The following ZNF525 variants were observed in gnomAD, a reference collection of about 807,000 sequenced individuals.
ZNF525 encodes the protein zinc finger protein 525.
ZNF525 carries 33 observed loss-of-function variants against 37.6 expected under a neutral mutation model. The ratio of observed to expected loss-of-function variants is 0.88; its 90% CI spans 0.67 to 1.17. ZNF525 has a LOEUF of 1.17. ZNF525 is among the 50% of genes most tolerant of loss of function. The pLI is 0.00. For missense variants in ZNF525, 449 were observed against 543.1 expected (o/e 0.83, Z 1.72); for synonymous variants, 170 against 182.3 (o/e 0.93, Z 0.54).
Position 53,382,568 on chromosome 19 carries a change from T to G in ZNF525, c.*549T>G, listed in dbSNP as rs142235276. On this transcript the variant is annotated 3_prime_UTR_variant, in exon 4 of 4. Coordinates refer to ENST00000474037, the MANE Select transcript of ZNF525 (RefSeq NM_001348156.2). ...TCATACTGGAGAGAAACCTTAGAAG[T>G]GCAATGAGTGTGGCAAAACCTTTCA... The G allele has an allele frequency of 1.5e-6, 1 of 666,264 alleles. No homozygotes were observed. Among genetic ancestry groups the G allele is most frequent in the Non-Finnish European group, 2.8e-6 (1 of 356,722 alleles). The allele number at this position is 666,264 out of a possible 1,614,324, so 41.3% of individuals were successfully genotyped here.
rs530171369 is a variant in ZNF525 at position 53,383,034 on chromosome 19, G to A, written c.*1015G>A. The A allele has an allele frequency of 5.8e-5, 85 of 1,456,606 alleles. 1 individual carries two copies. The highest frequency in any genetic ancestry group is 2.0e-4 in the South Asian group (18 of 87,996). 90.2% of individuals were successfully genotyped at this position (1,456,606 alleles called of 1,614,324 possible). ...TTTAATCGCAAAGCAAAGCTTGCATGTCATCATAGACTTCATACTGGAGAG... is the reference window on the plus strand; with the variant it reads ...TTTAATCGCAAAGCAAAGCTTGCATATCATCATAGACTTCATACTGGAGAG... On this transcript the variant is annotated 3_prime_UTR_variant, in exon 4 of 4. Coordinates refer to ENST00000474037, the MANE Select transcript of ZNF525 (RefSeq NM_001348156.2).
chr19:53,378,776 G>A (rs2085539406), intron 3 of ZNF525, among the ~76,000 whole-genome samples: 1 of 152,156 alleles, frequency 6.6e-6, no homozygotes, highest in Non-Finnish European at 1.5e-5. Flanking sequence ...TTCACGAGTA[G>A]TCAACACCCG....
chr19:53,378,223 G>A (rs1032194287), intron 3 of ZNF525, among the ~76,000 whole-genome samples: 13 of 152,286 alleles, frequency 8.5e-5, no homozygotes, highest in African/African-American at 2.6e-4. Flanking sequence ...TTGGGAGGCC[G>A]AGAGGGGCGG....
intron 3 of ZNF525, 115 bp from the exon 4 acceptor site, chr19:53,380,607 C>T: frequency 3.4e-6 from 2 of 595,168 alleles, no homozygotes; most frequent in Non-Finnish European, 5.8e-6. Context: ...ATGTAATCGC[C>T]CTTTATTTAT....
chr19:53,376,831 A>G (rs1163126421), intron 3 of ZNF525, among the ~76,000 whole-genome samples: 2 of 152,114 alleles, frequency 1.3e-5, no homozygotes, highest in African/African-American at 4.8e-5. Context: ...TTAGCCAGAC[A>G]CGGTCGTGGG....
In ZNF525 at chr19:53,381,126, A is replaced by G. The variant is rs1005513556; in HGVS notation, c.547A>G (p.Arg183Gly). 1.4e-6 allele frequency: 2 copies of G among 1,411,706 alleles called. No individual in the cohort carries two copies. Among genetic ancestry groups the G allele is most frequent in the Non-Finnish European group, 2.0e-6 (2 of 995,992 alleles). The allele number at this position is 1,411,706 out of a possible 1,614,324, so 87.4% of individuals were successfully genotyped here. The change falls in exon 4 of 4, where the codon AGG (arginine) becomes GGG (glycine). Residue 183 changes from arginine to glycine, a missense_variant. Arg to Gly is a moderately radical substitution (Grantham distance 125). Coordinates refer to ENST00000474037, the MANE Select transcript of ZNF525 (RefSeq NM_001348156.2). ...TTCAACAGCCCAAAGAATTTCTTGT[A>G]GGCCCAAAACCCATATATCTAATAA... ...SVSTAQRISC[R>G]PKTHISNNYG...
chr19:53,386,106 A>C lies in ZNF525; in HGVS notation c.*4087A>C. 2.7e-6 allele frequency: 1 copy of C among 373,234 alleles called. No individual in the cohort carries two copies. Among genetic ancestry groups the C allele is most frequent in the Non-Finnish European group, 5.1e-6 (1 of 194,310 alleles). 23.1% of individuals were successfully genotyped at this position (373,234 alleles called of 1,614,324 possible). A position where few individuals can be genotyped will look rare whatever the true frequency, so the allele number is the denominator to read the frequency against. ...AGGAGGTGGAGGATGCAGTGAACTG[A>C]GATGGCAACATTACACTCTAGCCTG... On this transcript the variant is annotated 3_prime_UTR_variant, in exon 4 of 4. Coordinates refer to ENST00000474037, the MANE Select transcript of ZNF525 (RefSeq NM_001348156.2).
intron 3 of ZNF525, 132 bp downstream of exon 3, chr19:53,376,028 A>G (rs1196601470): frequency 3.2e-6 from 5 of 1,554,156 alleles, no homozygotes; most frequent in Non-Finnish European, 4.3e-6. Flanking sequence ...GCTCACTGCA[A>G]TCTTGAATTC....
intron 1 of ZNF525, among the ~76,000 whole-genome samples, chr19:53,370,677 C>CA (rs1021972347): frequency 1.4e-5 from 2 of 141,366 alleles, no homozygotes; most frequent in Non-Finnish European, 3.1e-5. Context: ...TGCAGTACCC[C>CA]AAAAATGAAA....
chr19:53,378,152 G>A lies in ZNF525; in HGVS notation c.142+2256G>A, dbSNP rs577397786. ...AGTCTGGCCAACATGGTGAAACCTC[G>A]AATCTACTAAATACAAGAAATTGGC... is the stretch of plus-strand genomic sequence containing the variant. On this transcript the variant is annotated intron_variant, in intron 3 of 3. Transcript: ENST00000474037. Among the ~76,000 whole-genome samples, 5 of 152,114 alleles carry A rather than the reference G, an allele frequency of 3.3e-5. No individual in the cohort carries two copies. The South Asian group carries it at 6.2e-4, about 19-fold the overall frequency.
Position 53,381,236 on chromosome 19 carries a change from G to A in ZNF525, c.657G>A (p.Glu219=), listed in dbSNP as rs775891067. The A allele has an allele frequency of 2.0e-5, 27 of 1,352,418 alleles. No homozygotes were observed. In the South Asian group the frequency reaches 2.8e-4, roughly 14 times the overall value. 83.8% of individuals were successfully genotyped at this position (1,352,418 alleles called of 1,614,324 possible). The part of the protein sequence containing the change: ...RMREKSFQCI[E]SGKAFNYSSL... Reference sequence around the variant, plus strand: ...GAGAAAAATCTTTCCAATGTATTGAGAGTGGCAAAGCCTTTAATTATAGCT... The same window carrying A: ...GAGAAAAATCTTTCCAATGTATTGAAAGTGGCAAAGCCTTTAATTATAGCT... The change falls in exon 4 of 4, where the codon GAG becomes GAA. Residue 219 remains glutamate, a synonymous_variant. Coordinates refer to ENST00000474037, the MANE Select transcript of ZNF525 (RefSeq NM_001348156.2).
intron 3 of ZNF525, chr19:53,376,185 A>G (rs1467240290): frequency 2.7e-6 from 2 of 754,300 alleles, no homozygotes; most frequent in Non-Finnish European, 2.3e-6. Context: ...TGGGCTCAAG[A>G]CATCCTCCTC....
Position 53,383,121 on chromosome 19 carries a change from A to G in ZNF525, c.*1102A>G, listed in dbSNP as rs1270618846. ...AATCAACAAGCACACCTTGCACGTC[A>G]TCATAGAACTCATACTGGAGAGAAA... On this transcript the variant is annotated 3_prime_UTR_variant, in exon 4 of 4. Transcript: ENST00000474037. 1 of 1,327,568 alleles carries G rather than the reference A, an allele frequency of 7.5e-7. No homozygotes were observed. Among genetic ancestry groups the G allele is most frequent in the Non-Finnish European group, 1.1e-6 (1 of 937,742 alleles). The allele number at this position is 1,327,568 out of a possible 1,614,324, so 82.2% of individuals were successfully genotyped here. A position where few individuals can be genotyped will look rare whatever the true frequency, so the allele number is the denominator to read the frequency against.
rs1022540949 is a variant in ZNF525, at chr19:53,366,161, C to T, written c.-68+402C>T. ...GGTCCCGGGGAGGCCGAGTTCTCTGCCTGTCCTGGGATCCTACAAACCCCA... is the reference window on the plus strand; with the variant it reads ...GGTCCCGGGGAGGCCGAGTTCTCTGTCTGTCCTGGGATCCTACAAACCCCA... On this transcript the variant is annotated intron_variant, in intron 1 of 3. Coordinates refer to ENST00000474037, the MANE Select transcript of ZNF525 (RefSeq NM_001348156.2). Among the ~76,000 whole-genome samples, 8 of 117,186 alleles carry T rather than the reference C, an allele frequency of 6.8e-5. 1 individual carries two copies. Among genetic ancestry groups the T allele is most frequent in the Admixed American group, 5.7e-4 (6 of 10,524 alleles). The allele number at this position is 117,186 out of a possible 152,430, so 76.9% of individuals were successfully genotyped here. A position where few individuals can be genotyped will look rare whatever the true frequency, so the allele number is the denominator to read the frequency against.
chr19:53,375,944 T>C, intron 3 of ZNF525, 48 bp downstream of exon 3: 1 of 1,611,632 alleles, frequency 6.2e-7, no homozygotes, highest in Non-Finnish European at 8.5e-7. Context: ...TTTCGTATCT[T>C]TGTATTTTCT....
intron 2 of ZNF525, among the ~76,000 whole-genome samples, chr19:53,374,989 G>A (rs551694836): frequency 2.6e-5 from 4 of 151,784 alleles, no homozygotes; most frequent in African/African-American, 7.2e-5. Flanking sequence ...ATCCTCCTCC[G>A]TCAGGCTCCC....
In ZNF525 at chr19:53,369,915, G is replaced by A. The variant is rs1321593605; in HGVS notation, c.-67-2300G>A. Among the ~76,000 whole-genome samples, 157 of 145,004 alleles carry A rather than the reference G, an allele frequency of 1.1e-3. 1 individual carries two copies. Among genetic ancestry groups the A allele is most frequent in the Non-Finnish European group, 2.0e-3 (132 of 65,878 alleles). ...AATTTTTTGTATTTTTAGTAGAGGTGGGGTTTCACCGTGTTAGCCAGGATG... is the reference window on the plus strand; with the variant it reads ...AATTTTTTGTATTTTTAGTAGAGGTAGGGTTTCACCGTGTTAGCCAGGATG... On this transcript the variant is annotated intron_variant, in intron 1 of 3. Coordinates refer to ENST00000474037, the MANE Select transcript of ZNF525 (RefSeq NM_001348156.2).
Position 53,369,558 on chromosome 19 carries a change from T to C in ZNF525, c.-67-2657T>C, listed in dbSNP as rs928745100. Among the ~76,000 whole-genome samples, 20 of 147,788 alleles carry C rather than the reference T, an allele frequency of 1.4e-4. 1 individual carries two copies. The highest frequency in any genetic ancestry group is 3.5e-3 in the Middle Eastern group (1 of 284). ...GTATTCTTGATGGAAACAATTTGCT[T>C]ATGTCTTAGTTCTACAGCTGACCTT... On this transcript the variant is annotated intron_variant, in intron 1 of 3. Transcript: ENST00000474037.
chr19:53,385,197 G>A lies in ZNF525; in HGVS notation c.*3178G>A. 4 of 484,728 alleles carry A rather than the reference G, an allele frequency of 8.3e-6. No individual in the cohort carries two copies. Among genetic ancestry groups the A allele is most frequent in the South Asian group, 3.2e-5 (1 of 31,296 alleles). 30.0% of individuals were successfully genotyped at this position (484,728 alleles called of 1,614,324 possible). A position where few individuals can be genotyped will look rare whatever the true frequency, so the allele number is the denominator to read the frequency against. ...GGACAAGGGATCTTCAAGAAGTTCT[G>A]GAAAAATACATATTATGAGAAAATT... On this transcript the variant is annotated 3_prime_UTR_variant, in exon 4 of 4. Transcript: ENST00000474037.
Sources: allele counts gnomAD v4.1 joint callset (sites outside exome capture counted in the v4.1 genomes callset), GRCh38; gene constraint gnomAD v4.1.1; transcripts MANE v1.5; gene names NCBI Gene and HGNC (gene_info 2026-07-23, HGNC 2026-07-21).